The following ATXN3 variants were observed in gnomAD, a reference collection of about 807,000 sequenced individuals.
The protein encoded by ATXN3 is ataxin 3, also known as ataxin-3.
A neutral mutation model predicts 58.2 loss-of-function variants in ATXN3; 28 were observed. That is an observed-to-expected ratio of 0.48 (90% CI 0.36 to 0.66). The LOEUF is 0.66. Ranked by LOEUF, ATXN3 falls within the 30% of genes least tolerant of loss-of-function variation. The pLI is 0.00. For missense variants in ATXN3, 321 were observed against 422.1 expected, an observed-to-expected ratio of 0.76 and a Z score of 2.10; for synonymous variants, 113 against 138.5, an observed-to-expected ratio of 0.82 and a Z score of 1.29.
At chr14:92,101,156 T>C (rs2066682446) in intron 1 of ATXN3, among the ~76,000 whole-genome samples, 1 of 152,164 alleles carries the variant, frequency 6.6e-6, no homozygotes, top group Non-Finnish European at 1.5e-5. Context: ...AAGGACAAAC[T>C]GTTCAGTACA....
At chr14:92,093,944 GTTTTTTT>G in intron 3 of ATXN3, 113 bp from the exon 4 acceptor site, 1 of 429,070 alleles carries the variant, frequency 2.3e-6, no homozygotes. Flanking sequence ...AAGGCTATAG[GTTTTTTT>G]TTTTTTTTTT....
intron 2 of ATXN3, among the ~76,000 whole-genome samples, chr14:92,047,011 G>A (rs531245203): frequency 3.9e-5 from 6 of 152,190 alleles, no homozygotes; most frequent in East Asian, 3.9e-4. Context: ...GGTGAGAAGC[G>A]AAGGGATGGA....
intron 3 of ATXN3, 66 bp from the exon 4 acceptor site, chr14:92,093,897 T>C (rs751064156): frequency 2.0e-6 from 2 of 989,914 alleles, no homozygotes; most frequent in South Asian, 1.3e-5. Context: ...GAAGTGTAGC[T>C]ATGTTAGTTG....
At chr14:92,098,838 C>T (rs761953791) in intron 1 of ATXN3, among the ~76,000 whole-genome samples, 2 of 152,168 alleles carry the variant, frequency 1.3e-5, no homozygotes, top group Non-Finnish European at 2.9e-5. Context: ...AAGCTCAGCT[C>T]CCATGGGATG....
Position 92,085,199 on chromosome 14 carries a change from A to AT in ATXN3, c.476-1942dup, listed in dbSNP as rs1311838253. On this transcript the variant is annotated intron_variant, in intron 6 of 10. Coordinates refer to ENST00000644486, the MANE Select transcript of ATXN3 (RefSeq NM_004993.6). ...AGACTTCACATATTTTTTTTTTTTA[A>AT]TTTTTTTTTGAGAGTCTCGTTCTGT... 1.7e-3 allele frequency among the ~76,000 whole-genome samples: 255 copies of AT among 147,380 alleles called. 1 individual carries two copies. Among genetic ancestry groups the AT allele is most frequent in the African/African-American group, 5.9e-3 (237 of 40,060 alleles).
At chr14:92,090,601 A>G (rs1434907372) in intron 5 of ATXN3, 2 of 152,224 alleles carry the variant, frequency 1.3e-5, no homozygotes, top group East Asian at 3.8e-4. Flanking sequence ...AGTGAAAAAT[A>G]TAGTTTTAAA....
chr14:92,056,637 G>A (rs1000700317), downstream of ATXN3, among the ~76,000 whole-genome samples: 1 of 152,144 alleles, frequency 6.6e-6, no homozygotes, highest in Admixed American at 6.5e-5. Flanking sequence ...CTGACTGACT[G>A]AGCTCCTCTC....
chr14:92,070,974 T>C lies in ATXN3; in HGVS notation c.952A>G (p.Arg318Gly). The C allele has an allele frequency of 8.0e-7, 1 of 1,245,306 alleles. No individual in the cohort carries two copies. The highest frequency in any genetic ancestry group is 1.8e-5 in the South Asian group (1 of 55,036). The allele number at this position is 1,245,306 out of a possible 1,614,324, so 77.1% of individuals were successfully genotyped here. Residue 318 changes from arginine (R) to glycine (G), a missense_variant, in exon 10 of 11, where the codon AGG becomes GGG. Coordinates refer to ENST00000644486, the MANE Select transcript of ATXN3 (RefSeq NM_004993.6). ...LSGQSSHPCE[R>G]PATSSGALGS... ...AGTGCTCCTGAACTGGTGGCTGGCC[T>C]TTCACATGGATGTGAACTCTGTCCT...
At chr14:92,080,851 T>C (rs1216914684) in intron 9 of ATXN3, 114 bp downstream of exon 9, 1 of 964,906 alleles carries the variant, frequency 1.0e-6, no homozygotes, top group Admixed American at 2.0e-5. Context: ...GCTGTAAATT[T>C]TTAAAAAATA....
intron 8 of ATXN3, among the ~76,000 whole-genome samples, chr14:92,081,345 C>T (rs528611560): frequency 4.2e-5 from 6 of 142,426 alleles, no homozygotes; most frequent in African/African-American, 2.7e-5. Flanking sequence ...TGGTGGTAGG[C>T]GCCTGTAGTC....
chr14:92,057,164 T>C (rs1204983052), downstream of ATXN3, among the ~76,000 whole-genome samples: 22 of 152,202 alleles, frequency 1.4e-4, no homozygotes, highest in Admixed American at 1.3e-3. Flanking sequence ...AGGTGGCTCA[T>C]CCCAGCACTT....
chr14:92,097,097 C>T (rs182252142), intron 1 of ATXN3, among the ~76,000 whole-genome samples: 87 of 151,592 alleles, frequency 5.7e-4, no homozygotes, highest in Middle Eastern at 3.4e-3. Context: ...TTAGTAGAGA[C>T]GGGGTTTCAT....
In ATXN3 at chr14:92,101,725, G is replaced by A. The variant is rs1596024887; in HGVS notation, c.24+4804C>T. ...ATATAAGAATTAGCCAGGTGTGGTG[G>A]CAGGCGCCTGTAGTCCCAGGTGCTC... On this transcript the variant is annotated intron_variant, in intron 1 of 10. Transcript: ENST00000644486. Among the ~76,000 whole-genome samples the A allele has an allele frequency of 2.0e-5, 3 of 152,252 alleles. No homozygotes were observed. In the South Asian group the frequency reaches 6.2e-4, roughly 32 times the overall value.
chr14:92,071,797 T>G (rs1326164933), intron 9 of ATXN3, among the ~76,000 whole-genome samples: 1 of 152,236 alleles, frequency 6.6e-6, no homozygotes, highest in Non-Finnish European at 1.5e-5. Flanking sequence ...CACTCAGGTC[T>G]GAGCTTAAAA....
At chr14:92,091,706 CTT>C (rs5810572) in intron 5 of ATXN3, among the ~76,000 whole-genome samples, 2 of 151,152 alleles carry the variant, frequency 1.3e-5, no homozygotes, top group African/African-American at 4.9e-5. Flanking sequence ...TAATTTGAAA[CTT>C]TTTTTTTGAG....
In ATXN3 at chr14:92,067,130, T is replaced by TAA. The variant is rs202192680; in HGVS notation, c.992-2717_992-2716insTT. On this transcript the variant is annotated intron_variant, in intron 10 of 10. Coordinates refer to ENST00000644486, the MANE Select transcript of ATXN3 (RefSeq NM_004993.6). The stretch of plus-strand genomic sequence containing the variant: ...GTATGTACCCCTTCCTTCTGGCCTT[T>TAA]ATGATCTCTGATGGGAAATCTGCTG... 8.5e-3 allele frequency among the ~76,000 whole-genome samples: 1,291 copies of TAA among 152,180 alleles called. 14 individuals carry two copies. The highest frequency in any genetic ancestry group is 0.029 in the African/African-American group (1,184 of 41,518).
rs1384894631 is a variant in ATXN3 at position 92,060,440 on chromosome 14, G to T, written c.*3880C>A. On this transcript the variant is annotated 3_prime_UTR_variant, in exon 11 of 11. Transcript: ENST00000644486. ...CGCCCGGCTAATTTTTGTATTTTTAGTAGAAACGAGGTTTCACCATGTTGC... is the reference window on the plus strand; with the variant it reads ...CGCCCGGCTAATTTTTGTATTTTTATTAGAAACGAGGTTTCACCATGTTGC... 8 of 150,780 alleles carry T rather than the reference G, an allele frequency of 5.3e-5. No individual in the cohort carries two copies. Among genetic ancestry groups the T allele is most frequent in the Admixed American group, 2.0e-4 (3 of 15,104 alleles). 9.3% of individuals were successfully genotyped at this position (150,780 alleles called of 1,614,324 possible).
chr14:92,082,176 A>G (rs956510888), intron 8 of ATXN3, 124 bp downstream of exon 8: 8 of 1,065,770 alleles, frequency 7.5e-6, no homozygotes, highest in Middle Eastern at 2.9e-4. Context: ...AGCCCACTAT[A>G]TAGCTATTGC....
intron 6 of ATXN3, chr14:92,083,562 G>C (rs1379722925): frequency 2.8e-5 from 13 of 467,716 alleles, no homozygotes; most frequent in Non-Finnish European, 4.5e-5. Flanking sequence ...GACTGAGCAG[G>C]CTACTCACTT....
Sources: gnomAD v4.1 joint callset for allele counts (sites outside exome capture counted in the v4.1 genomes callset) on GRCh38, gnomAD v4.1.1 for gene constraint, MANE v1.5 for transcripts, NCBI Gene and HGNC (gene_info 2026-07-23, HGNC 2026-07-21) for gene names.